The following IRAK2 variants were observed in gnomAD, a reference collection of about 807,000 sequenced individuals.
IRAK2 encodes the protein interleukin-1 receptor-associated kinase-like 2.
IRAK2 carries 57 observed loss-of-function variants against 72.0 expected under a neutral mutation model. The observed-to-expected ratio is 0.79, with a 90% CI of 0.64 to 0.99. IRAK2 has a LOEUF of 0.99. Among genes scored for constraint, IRAK2 ranks in the 50% least tolerant of loss-of-function variants. The pLI, the probability that IRAK2 is intolerant of heterozygous loss-of-function variation, is 0.00. For synonymous variants in IRAK2, 293 were observed against 312.7 expected, an observed-to-expected ratio of 0.94 and a Z score of 0.67; for missense variants, 790 against 794.4, an observed-to-expected ratio of 0.99 and a Z score of 0.07.
At chr3:10,225,806 C>T (rs951111253) in intron 9 of IRAK2, among the ~76,000 whole-genome samples, 2 of 151,684 alleles carry the variant, frequency 1.3e-5, no homozygotes, top group Admixed American at 1.3e-4. Flanking sequence ...TCACGCCATT[C>T]TCCTGCCTCA....
intron 12 of IRAK2, among the ~76,000 whole-genome samples, chr3:10,241,845 C>A (rs1017762190): frequency 6.9e-6 from 1 of 145,250 alleles, no homozygotes; most frequent in Non-Finnish European, 1.5e-5. Context: ...TGGTTGTGCA[C>A]GCCTGTAGTC....
Position 10,172,957 on chromosome 3 carries a change from G to C in IRAK2, c.95-4881G>C, listed in dbSNP as rs374956606. Reference sequence around the variant, plus strand: ...GCCTCCCAAAGTGCTGGGATTACAGGCGTGAGCCACCGCACCTGGCCAAAC... The same window carrying C: ...GCCTCCCAAAGTGCTGGGATTACAGCCGTGAGCCACCGCACCTGGCCAAAC... On this transcript the variant is annotated intron_variant, in intron 1 of 12. Transcript: ENST00000256458. Among the ~76,000 whole-genome samples, 9 of 151,844 alleles carry C rather than the reference G, an allele frequency of 5.9e-5. No homozygotes were observed. In the East Asian group the frequency reaches 1.8e-3, roughly 30 times the overall value.
At chr3:10,210,863 T>C (rs77344107) in intron 4 of IRAK2, among the ~76,000 whole-genome samples, 66 of 152,256 alleles carry the variant, frequency 4.3e-4, no homozygotes, top group African/African-American at 1.6e-3. Context: ...AAGTTTTTTT[T>C]GTTTTTGTGT....
At chr3:10,168,355 C>T (rs1462461655) in intron 1 of IRAK2, among the ~76,000 whole-genome samples, 3 of 151,842 alleles carry the variant, frequency 2.0e-5, no homozygotes, top group South Asian at 2.1e-4. Flanking sequence ...GGATTACAGG[C>T]ATGCACCACC....
chr3:10,199,443 A>T (rs1697320074), intron 2 of IRAK2, among the ~76,000 whole-genome samples: 1 of 152,128 alleles, frequency 6.6e-6, no homozygotes, highest in Admixed American at 6.6e-5. Context: ...GTGAGGATTC[A>T]TGTCTGTGCA....
At chr3:10,237,968 A>G (rs73123836) in intron 11 of IRAK2, among the ~76,000 whole-genome samples, 1 of 61,054 alleles carries the variant, frequency 1.6e-5, no homozygotes, top group African/African-American at 5.0e-5. Context: ...TGTGTGTGTG[A>G]AGAAGAAACA....
chr3:10,165,430 G>GTGT (rs1559435718), intron 1 of IRAK2, among the ~76,000 whole-genome samples: 4 of 145,502 alleles, frequency 2.7e-5, no homozygotes, highest in African/African-American at 7.7e-5. Context: ...ACTTCTTGGG[G>GTGT]GGGTGTGTGT....
chr3:10,204,378 G>C (rs1477262628), intron 3 of IRAK2, among the ~76,000 whole-genome samples: 2 of 152,158 alleles, frequency 1.3e-5, no homozygotes, highest in Admixed American at 6.6e-5. Context: ...GGACATAGAA[G>C]ACCCCATGTC....
chr3:10,181,923 GCCCT>G (rs1696964612), intron 2 of IRAK2, among the ~76,000 whole-genome samples: 1 of 150,978 alleles, frequency 6.6e-6, no homozygotes, highest in East Asian at 1.9e-4. Context: ...TCATTCCAAT[GCCCT>G]ATTCCTGAGT....
chr3:10,235,135 C>T (rs1211865895), intron 11 of IRAK2, among the ~76,000 whole-genome samples: 1 of 152,136 alleles, frequency 6.6e-6, no homozygotes, highest in Non-Finnish European at 1.5e-5. Context: ...GCCCAGGGCT[C>T]CATCCCTGGA....
chr3:10,210,247 A>G (rs1575975426), intron 4 of IRAK2, among the ~76,000 whole-genome samples: 1 of 151,580 alleles, frequency 6.6e-6, no homozygotes, highest in Admixed American at 6.6e-5. Flanking sequence ...ATTTTATTTT[A>G]TTTTCGACCT....
At chr3:10,205,378 T>C (rs1359686494) in intron 3 of IRAK2, among the ~76,000 whole-genome samples, 1 of 152,190 alleles carries the variant, frequency 6.6e-6, no homozygotes, top group East Asian at 1.9e-4. Context: ...TCCATTTCTT[T>C]TCCCCAAGAC....
At chr3:10,213,931 TC>T (rs1697562318) in intron 6 of IRAK2, among the ~76,000 whole-genome samples, 1 of 152,030 alleles carries the variant, frequency 6.6e-6, no homozygotes. Context: ...TCTTTTCTTT[TC>T]TTTTTTTGTT....
chr3:10,190,395 C>G (rs1435371113), intron 2 of IRAK2, among the ~76,000 whole-genome samples: 3 of 150,722 alleles, frequency 2.0e-5, no homozygotes, highest in Admixed American at 1.3e-4. Flanking sequence ...ATTATCCTGC[C>G]TCAGCCTCCC....
At chr3:10,205,646 G>C (rs779067508) in intron 3 of IRAK2, among the ~76,000 whole-genome samples, 1 of 152,230 alleles carries the variant, frequency 6.6e-6, no homozygotes, top group African/African-American at 2.4e-5. Flanking sequence ...TGGAGCAGCG[G>C]TTCCCAGTGT....
chr3:10,233,848 T>C (rs1697906166), intron 10 of IRAK2, among the ~76,000 whole-genome samples: 1 of 152,130 alleles, frequency 6.6e-6, no homozygotes. Context: ...GTCCTAGGTG[T>C]AGGTATTTTA....
At chr3:10,193,483 C>A (rs747874491) in intron 2 of IRAK2, among the ~76,000 whole-genome samples, 1 of 151,824 alleles carries the variant, frequency 6.6e-6, no homozygotes, top group African/African-American at 2.4e-5. Flanking sequence ...ATTAGCCTGG[C>A]GTGGTGGCGT....
At chr3:10,220,862 C>A (rs1008533314) in intron 8 of IRAK2, among the ~76,000 whole-genome samples, 3 of 152,116 alleles carry the variant, frequency 2.0e-5, no homozygotes, top group Non-Finnish European at 4.4e-5. Context: ...GGTTTTGTTT[C>A]TTTTTTCACT....
At chr3:10,213,609 GC>G in intron 6 of IRAK2, 61 bp downstream of exon 6, 1 of 1,306,584 alleles carries the variant, frequency 7.7e-7, no homozygotes, top group Non-Finnish European at 1.1e-6. Flanking sequence ...CTTCCTGTGT[GC>G]CCAGTCATGT....
Sources: gnomAD v4.1 joint callset for allele counts (sites outside exome capture counted in the v4.1 genomes callset) on GRCh38, gnomAD v4.1.1 for gene constraint, MANE v1.5 for transcripts, NCBI Gene and HGNC (gene_info 2026-07-23, HGNC 2026-07-21) for gene names.